SYCP2L: variants seen among roughly 807,000 people sequenced by gnomAD.
SYCP2L encodes the protein synaptonemal complex protein 2-like.
A neutral mutation model predicts 125.8 loss-of-function variants in SYCP2L; 98 were observed. The ratio of observed to expected loss-of-function variants is 0.78; its 90% CI spans 0.66 to 0.92. The LOEUF is 0.92. SYCP2L is among the 40% of genes least tolerant of loss of function. The pLI, the probability that SYCP2L is intolerant of heterozygous loss-of-function variation, is 0.00. For synonymous variants in SYCP2L, 317 were observed against 325.4 expected (o/e 0.97, Z 0.28); for missense variants, 842 against 936.4 (o/e 0.90, Z 1.32).
chr6:10,922,262 G>C (rs1780811105), intron 14 of SYCP2L, among the ~76,000 whole-genome samples: 1 of 152,088 alleles, frequency 6.6e-6, no homozygotes, highest in Non-Finnish European at 1.5e-5. Context: ...ACAGGAAGTA[G>C]GTATTACTCT....
intron 14 of SYCP2L, among the ~76,000 whole-genome samples, chr6:10,920,871 A>G (rs1052120837): frequency 3.3e-5 from 5 of 151,672 alleles, no homozygotes; most frequent in African/African-American, 1.2e-4. Flanking sequence ...GTACATGTGC[A>G]GGATGTACAG....
Position 10,912,834 on chromosome 6 carries a change from C to T in SYCP2L, c.1012-33C>T. 6.2e-7 allele frequency: 1 copy of T among 1,610,562 alleles called. No individual in the cohort carries two copies. Among genetic ancestry groups the T allele is most frequent in the Non-Finnish European group, 8.5e-7 (1 of 1,177,156 alleles). On this transcript the variant is annotated intron_variant, in intron 13 of 29. Coordinates refer to ENST00000283141, the MANE Select transcript of SYCP2L (RefSeq NM_001040274.3). This position sits in a 1 kb window ranked among gnomAD's most constrained non-coding sequence, Gnocchi z 4.1. ...CTTTTTTATGTAAGTATGTGTTTTG[C>T]ACTCATGAATTTCACTTATTTATTT...
At chr6:10,929,794 T>G (rs75128462) in intron 18 of SYCP2L, among the ~76,000 whole-genome samples, 1 of 151,654 alleles carries the variant, frequency 6.6e-6, no homozygotes, top group Non-Finnish European at 1.5e-5. Context: ...AAAAAAAAAT[T>G]AGCTGGGTGG....
chr6:10,891,765 A>T (rs143868645), intron 2 of SYCP2L, among the ~76,000 whole-genome samples, 184 bp downstream of exon 2: 1 of 151,868 alleles, frequency 6.6e-6, no homozygotes, highest in African/African-American at 2.4e-5. Context: ...AGAAATCTTT[A>T]CTTCTCCTTC....
intron 1 of SYCP2L, 136 bp downstream of exon 1, chr6:10,887,271 A>ACCTC: frequency 1.7e-6 from 2 of 1,208,800 alleles, no homozygotes; most frequent in Non-Finnish European, 2.4e-6. Flanking sequence ...GTCCCCCGCC[A>ACCTC]CCTCCTTGGG....
intron 26 of SYCP2L, among the ~76,000 whole-genome samples, chr6:10,960,917 A>G (rs1373931603): frequency 6.6e-6 from 1 of 152,134 alleles, no homozygotes; most frequent in African/African-American, 2.4e-5. Flanking sequence ...CTCTACTAAA[A>G]ATAGAAAAAA....
At chr6:10,933,766 A>G (rs1781041760) in intron 20 of SYCP2L, among the ~76,000 whole-genome samples, 1 of 152,226 alleles carries the variant, frequency 6.6e-6, no homozygotes, top group Non-Finnish European at 1.5e-5. Context: ...CCTATTCAGT[A>G]AAAATGCAGT....
chr6:10,926,522 C>A, intron 16 of SYCP2L, 90 bp downstream of exon 16: 1 of 977,244 alleles, frequency 1.0e-6, no homozygotes, highest in South Asian at 1.4e-5. Context: ...AACCTGTGGT[C>A]ATATGAGTGA....
chr6:10,948,062 T>C (rs901431739), intron 23 of SYCP2L, among the ~76,000 whole-genome samples: 1 of 152,118 alleles, frequency 6.6e-6, no homozygotes, highest in Non-Finnish European at 1.5e-5. Flanking sequence ...GAGGAATAAT[T>C]GGCAAATAAA....
At position 10,954,092 on chromosome 6, in the gene SYCP2L, C is replaced by T. The variant is rs1009877917; in HGVS notation, c.1955-1024C>T. ...TCGCCCTGCCTCTCGCACATAGTAACGTCCACATATTCATGGAATGAATTA... is the reference window on the plus strand; with the variant it reads ...TCGCCCTGCCTCTCGCACATAGTAATGTCCACATATTCATGGAATGAATTA... On this transcript the variant is annotated intron_variant, in intron 23 of 29. Coordinates refer to ENST00000283141, the MANE Select transcript of SYCP2L (RefSeq NM_001040274.3). The surrounding 1 kb of genome is among the most constrained non-coding windows in gnomAD (Gnocchi z 4.8). 1.3e-5 allele frequency among the ~76,000 whole-genome samples: 2 copies of T among 152,136 alleles called. No individual in the cohort carries two copies. The highest frequency in any genetic ancestry group is 6.5e-5 in the Admixed American group (1 of 15,282).
chr6:10,946,167 G>A (rs931409127), intron 23 of SYCP2L, among the ~76,000 whole-genome samples: 1 of 151,858 alleles, frequency 6.6e-6, no homozygotes, highest in African/African-American at 2.4e-5. Flanking sequence ...CAACCATTCT[G>A]TTTTCTTTCT....
intron 29 of SYCP2L, among the ~76,000 whole-genome samples, chr6:10,967,906 T>C (rs1781708009): frequency 6.6e-6 from 1 of 152,040 alleles, no homozygotes; most frequent in Non-Finnish European, 1.5e-5. Context: ...CAGATTCAGG[T>C]GTAAAGAAAG....
intron 21 of SYCP2L, 145 bp from the exon 22 acceptor site, chr6:10,942,314 G>A (rs1445333120): frequency 3.4e-5 from 20 of 589,056 alleles, no homozygotes; most frequent in East Asian, 6.0e-5. Flanking sequence ...TTCGTGTCCC[G>A]AAAGACACAG....
intron 25 of SYCP2L, among the ~76,000 whole-genome samples, chr6:10,957,735 T>C (rs890448258): frequency 1.2e-4 from 18 of 152,194 alleles, no homozygotes; most frequent in African/African-American, 4.3e-4. Flanking sequence ...GAGAATCCCT[T>C]GAGTCCAGCA....
chr6:10,910,271 T>A, intron 11 of SYCP2L, 71 bp downstream of exon 11: 6 of 1,399,586 alleles, frequency 4.3e-6, no homozygotes, highest in Non-Finnish European at 6.0e-6. Flanking sequence ...AAGAACAGTT[T>A]AGGGTCTGTT....
At position 10,887,118 on chromosome 6, in the gene SYCP2L, A is replaced by C; in HGVS notation, c.-9A>C. 6.2e-7 allele frequency: 1 copy of C among 1,614,138 alleles called. No homozygotes were observed. Among genetic ancestry groups the C allele is most frequent in the Non-Finnish European group, 8.5e-7 (1 of 1,179,988 alleles). Reference sequence around the variant, plus strand: ...CGGCGCGTCGCTTCAGGAACGAAGAAGCCTCGTTATGCAAGCGGTGAGTGA... The same window carrying C: ...CGGCGCGTCGCTTCAGGAACGAAGACGCCTCGTTATGCAAGCGGTGAGTGA... On this transcript the variant is annotated 5_prime_UTR_variant, in exon 1 of 30. Transcript: ENST00000283141.
chr6:10,961,078 C>CAAAAAAAAAA (rs112283703), intron 26 of SYCP2L, among the ~76,000 whole-genome samples: 1 of 117,692 alleles, frequency 8.5e-6, no homozygotes, highest in African/African-American at 3.0e-5. Context: ...AACTCCATCT[C>CAAAAAAAAAA]AAAAAAAAAA....
At chr6:10,948,333 G>A (rs1241619518) in intron 23 of SYCP2L, among the ~76,000 whole-genome samples, 2 of 151,944 alleles carry the variant, frequency 1.3e-5, no homozygotes, top group Non-Finnish European at 2.9e-5. Flanking sequence ...TTTGACCAAC[G>A]TCTCCCGGTT....
chr6:10,948,986 A>G (rs1379867338), intron 23 of SYCP2L, among the ~76,000 whole-genome samples: 2 of 151,918 alleles, frequency 1.3e-5, no homozygotes, highest in Non-Finnish European at 2.9e-5. Flanking sequence ...AATTTTAATC[A>G]TTGTAGTTGT....
Sources: gnomAD v4.1 joint callset for allele counts (sites outside exome capture counted in the v4.1 genomes callset) on GRCh38, gnomAD v4.1.1 for gene constraint, Gnocchi (gnomAD v3.1) non-coding constraint, MANE v1.5 for transcripts, NCBI Gene and HGNC (gene_info 2026-07-23, HGNC 2026-07-21) for gene names.